Variants in ZNF804A observed in about 807,000 individuals in gnomAD.
ZNF804A encodes the protein zinc finger protein 804A.
ZNF804A carries 2 observed loss-of-function variants against 16.5 expected under a neutral mutation model. That is an observed-to-expected ratio of 0.12 (90% CI 0.05 to 0.38). The LOEUF is 0.38. ZNF804A is among the 10% of genes least tolerant of loss of function. The pLI is 0.99. For synonymous variants in ZNF804A, 534 were observed against 489.6 expected (o/e 1.09, Z -1.20); for missense variants, 1,473 against 1,390.7 (o/e 1.06, Z -0.94).
At chr2:184,700,083 T>C (rs975332002) in intron 1 of ZNF804A, among the ~76,000 whole-genome samples, 7 of 152,146 alleles carry the variant, frequency 4.6e-5, no homozygotes, top group African/African-American at 1.7e-4. Flanking sequence ...ACATAGTTCT[T>C]AGAGAATATG....
chr2:184,658,240 T>A (rs753217449), intron 1 of ZNF804A, among the ~76,000 whole-genome samples: 45 of 152,310 alleles, frequency 3.0e-4, no homozygotes, highest in Admixed American at 2.1e-3. Context: ...TCCCTGCACT[T>A]TGGGAGGCCA....
intron 1 of ZNF804A, among the ~76,000 whole-genome samples, chr2:184,714,059 A>G (rs1693176099): frequency 6.6e-6 from 1 of 151,956 alleles, no homozygotes. Flanking sequence ...ATAATAAATT[A>G]CTCCACTGTA....
At chr2:184,627,699 A>G (rs934767366) in intron 1 of ZNF804A, among the ~76,000 whole-genome samples, 2 of 152,226 alleles carry the variant, frequency 1.3e-5, no homozygotes, top group African/African-American at 4.8e-5. Flanking sequence ...TTGTGAATTC[A>G]AAATTTGCCA....
chr2:184,818,391 A>C (rs1328355178), intron 1 of ZNF804A, among the ~76,000 whole-genome samples: 1 of 152,038 alleles, frequency 6.6e-6, no homozygotes, highest in Non-Finnish European at 1.5e-5. Context: ...CCTGCCTTGC[A>C]AGAGCTCCTG....
At chr2:184,655,610 T>G (rs563036218) in intron 1 of ZNF804A, among the ~76,000 whole-genome samples, 1 of 152,296 alleles carries the variant, frequency 6.6e-6, no homozygotes, top group South Asian at 2.1e-4. Flanking sequence ...TTATTCAATA[T>G]AATTTGTAGA....
chr2:184,627,742 A>T (rs17430621), intron 1 of ZNF804A, among the ~76,000 whole-genome samples: 16,648 of 152,260 alleles, frequency 0.11, 1,181 homozygotes, highest in Non-Finnish European at 0.16. Context: ...TTGCATAGGT[A>T]GCTAAGAGAC....
intron 2 of ZNF804A, among the ~76,000 whole-genome samples, chr2:184,914,257 A>G (rs1262812641): frequency 6.6e-6 from 1 of 152,138 alleles, no homozygotes; most frequent in Non-Finnish European, 1.5e-5. Context: ...GCATTCCCAC[A>G]GTAATTCTAG....
intron 1 of ZNF804A, among the ~76,000 whole-genome samples, chr2:184,773,060 GCACA>G (rs1694241390): frequency 6.8e-6 from 1 of 147,350 alleles, no homozygotes; most frequent in Non-Finnish European, 1.5e-5. Flanking sequence ...TTTTAAATGT[GCACA>G]CACACATACA....
rs941453485 is a variant in ZNF804A at position 184,610,102 on chromosome 2, A to T, written c.111+11032A>T. Among the ~76,000 whole-genome samples, 3 of 151,954 alleles carry T rather than the reference A, an allele frequency of 2.0e-5. No homozygotes were observed. The East Asian group carries it at 5.8e-4, about 30-fold the overall frequency. On this transcript the variant is annotated intron_variant, in intron 1 of 3. Transcript: ENST00000302277. Reference sequence around the variant, plus strand: ...AGGGTGTTTATTATTAAAAAAATGGATCTGTTATAAAAATCAATTTGGCTG... The same window carrying T: ...AGGGTGTTTATTATTAAAAAAATGGTTCTGTTATAAAAATCAATTTGGCTG...
intron 2 of ZNF804A, among the ~76,000 whole-genome samples, chr2:184,901,928 T>C (rs1209325727): frequency 3.3e-5 from 5 of 152,078 alleles, no homozygotes. Flanking sequence ...TTATTTTCCA[T>C]TTGTATACAT....
At chr2:184,695,261 A>T (rs13004285) in intron 1 of ZNF804A, among the ~76,000 whole-genome samples, 1 of 152,014 alleles carries the variant, frequency 6.6e-6, no homozygotes, top group East Asian at 1.9e-4. Context: ...GGAGATCGAG[A>T]CCATCCTGGC....
chr2:184,924,394 T>C (rs77858802), intron 2 of ZNF804A, among the ~76,000 whole-genome samples: 6,605 of 151,886 alleles, frequency 0.043, 466 homozygotes, highest in African/African-American at 0.15. Flanking sequence ...TAAATTTATA[T>C]GGTATCTGTT....
chr2:184,606,207 A>G (rs2105668096), intron 1 of ZNF804A, among the ~76,000 whole-genome samples: 1 of 152,312 alleles, frequency 6.6e-6, no homozygotes, highest in African/African-American at 2.4e-5. Flanking sequence ...ACCCAAGACC[A>G]GGTAATTTAT....
At chr2:184,721,761 A>C (rs1487528826) in intron 1 of ZNF804A, among the ~76,000 whole-genome samples, 1 of 152,166 alleles carries the variant, frequency 6.6e-6, no homozygotes, top group Non-Finnish European at 1.5e-5. Flanking sequence ...AAGGAAATAA[A>C]ATCAGCATCA....
intron 1 of ZNF804A, among the ~76,000 whole-genome samples, chr2:184,636,732 T>C (rs1374879059): frequency 2.0e-5 from 3 of 152,124 alleles, no homozygotes; most frequent in Non-Finnish European, 2.9e-5. Context: ...TGAAGGCGAT[T>C]GATGAACCTA....
chr2:184,804,966 G>A (rs1008418105), intron 1 of ZNF804A, among the ~76,000 whole-genome samples: 9 of 152,020 alleles, frequency 5.9e-5, no homozygotes, highest in Admixed American at 2.0e-4. Flanking sequence ...ATGTATACCC[G>A]CAGATTTTCT....
At chr2:184,608,139 G>T (rs1215792836) in intron 1 of ZNF804A, among the ~76,000 whole-genome samples, 2 of 151,140 alleles carry the variant, frequency 1.3e-5, no homozygotes, top group Non-Finnish European at 3.0e-5. Flanking sequence ...TAGAGACGGG[G>T]TTTCACCGTT....
intron 1 of ZNF804A, among the ~76,000 whole-genome samples, chr2:184,804,836 C>T (rs1342804502): frequency 6.6e-6 from 1 of 152,008 alleles, no homozygotes; most frequent in Non-Finnish European, 1.5e-5. Context: ...AGAAAATCAC[C>T]CTATAAATAT....
chr2:184,684,552 TG>T (rs200715769), intron 1 of ZNF804A, among the ~76,000 whole-genome samples: 1,549 of 152,294 alleles, frequency 0.01, 26 homozygotes, highest in African/African-American at 0.036. Context: ...AATCATTTTT[TG>T]TTTTGTTTTC....
Sources: allele counts gnomAD v4.1 joint callset (sites outside exome capture counted in the v4.1 genomes callset), GRCh38; gene constraint gnomAD v4.1.1; transcripts MANE v1.5; gene names NCBI Gene and HGNC (gene_info 2026-07-23, HGNC 2026-07-21).